The following ADAMTS9 variants were observed in gnomAD, a reference collection of about 807,000 sequenced individuals.
ADAMTS9 encodes the protein A disintegrin and metalloproteinase with thrombospondin motifs 9.
ADAMTS9 carries 107 observed loss-of-function variants against 257.1 expected under a neutral mutation model. The ratio of observed to expected loss-of-function variants is 0.42; its 90% CI spans 0.36 to 0.49. The LOEUF (loss-of-function observed/expected upper bound fraction) is 0.49, where lower values mean the gene tolerates loss of function less well. Ranked by LOEUF, ADAMTS9 falls within the 20% of genes least tolerant of loss-of-function variation. The probability of loss-of-function intolerance (pLI) is 0.03; values close to 1 mark genes in which losing one functional copy is unlikely to be tolerated. For missense variants in ADAMTS9, 2,353 were observed against 2,469.1 expected, an observed-to-expected ratio of 0.95 and a Z score of 1.00; for synonymous variants, 982 against 880.9, an observed-to-expected ratio of 1.11 and a Z score of -2.03.
chr3:64,590,839 A>G (rs2084245851), intron 28 of ADAMTS9, among the ~76,000 whole-genome samples: 2 of 152,082 alleles, frequency 1.3e-5, no homozygotes. Flanking sequence ...CGAACAAGCA[A>G]TTTCTCCTAA....
chr3:64,670,191 A>G (rs1701452473), intron 3 of ADAMTS9, among the ~76,000 whole-genome samples: 1 of 152,088 alleles, frequency 6.6e-6, no homozygotes, highest in Non-Finnish European at 1.5e-5. Context: ...ATGCACATAC[A>G]CACATGCAAC....
chr3:64,622,692 G>A, intron 16 of ADAMTS9, 106 bp from the exon 17 acceptor site: 2 of 1,284,416 alleles, frequency 1.6e-6, no homozygotes, highest in South Asian at 2.8e-5. Flanking sequence ...GCACGGAATG[G>A]GGACTTTTGA....
intron 11 of ADAMTS9, among the ~76,000 whole-genome samples, chr3:64,643,375 T>A (rs898609339): frequency 1.3e-5 from 2 of 151,684 alleles, no homozygotes; most frequent in Non-Finnish European, 2.9e-5. Context: ...AAATTAATTT[T>A]AATATATTTA....
At chr3:64,631,643 T>A (rs1347224818) in intron 15 of ADAMTS9, 93 bp from the exon 16 acceptor site, 1 of 1,252,170 alleles carries the variant, frequency 8.0e-7, no homozygotes, top group East Asian at 2.3e-5. Flanking sequence ...GAATAGAATA[T>A]AATTCTCATA....
intron 16 of ADAMTS9, among the ~76,000 whole-genome samples, chr3:64,625,810 G>A (rs947930778): frequency 6.6e-6 from 1 of 152,172 alleles, no homozygotes; most frequent in Non-Finnish European, 1.5e-5. Flanking sequence ...CTACAAGATA[G>A]TACAACCTCC....
chr3:64,522,023 A>C, intron 39 of ADAMTS9, 143 bp downstream of exon 39: 1 of 640,310 alleles, frequency 1.6e-6, no homozygotes. Flanking sequence ...ACAGAGGAGC[A>C]GGAGATAAAA....
chr3:64,675,899 A>T (rs566911187), intron 3 of ADAMTS9, among the ~76,000 whole-genome samples: 1 of 152,202 alleles, frequency 6.6e-6, no homozygotes, highest in Non-Finnish European at 1.5e-5. Flanking sequence ...CCATATGCAC[A>T]TAAGAGCCTA....
Position 64,633,686 on chromosome 3 carries a change from A to T in ADAMTS9, c.2038+12T>A, listed in dbSNP as rs1260148764. 1.9e-6 allele frequency: 3 copies of T among 1,613,860 alleles called. No homozygotes were observed. The highest frequency in any genetic ancestry group is 1.7e-5 in the Admixed American group (1 of 60,004). ...CCGGCCAACGGTGAACAGATACACC[A>T]GACACACTTACTTCCACTGTATTTA... On this transcript the variant is annotated intron_variant, in intron 13 of 39. Transcript: ENST00000498707.
intron 16 of ADAMTS9, among the ~76,000 whole-genome samples, chr3:64,626,618 C>G (rs1261398318): frequency 6.6e-6 from 1 of 152,122 alleles, no homozygotes; most frequent in Non-Finnish European, 1.5e-5. Context: ...AATGGGTACT[C>G]TAAAAGCTCA....
rs1433372737 is a variant in ADAMTS9 at position 64,687,977 on chromosome 3, TCCGAGGCGCGCCGGGCGCC to T, written c.-339_-321del. On this transcript the variant is annotated 5_prime_UTR_variant, in exon 1 of 40. Transcript: ENST00000498707. The surrounding 1 kb of genome is among the most constrained non-coding windows in gnomAD (Gnocchi z 4.4). Reference sequence around the variant, plus strand: ...GCAGGAGAAGGCGAGGAACTTGCGCTCCGAGGCGCGCCGGGCGCCCTGTGCTGGCCGGGATAGCTGAGCG... The same window carrying T: ...GCAGGAGAAGGCGAGGAACTTGCGCTCTGTGCTGGCCGGGATAGCTGAGCG... 1 of 165,510 alleles carries T rather than the reference TCCGAGGCGCGCCGGGCGCC, an allele frequency of 6.0e-6. No individual in the cohort carries two copies. The allele number at this position is 165,510 out of a possible 1,614,324, so 10.3% of individuals were successfully genotyped here. A position where few individuals can be genotyped will look rare whatever the true frequency, so the allele number is the denominator to read the frequency against.
intron 11 of ADAMTS9, among the ~76,000 whole-genome samples, chr3:64,644,270 A>AT (rs1700731241): frequency 6.6e-6 from 1 of 152,222 alleles, no homozygotes; most frequent in Admixed American, 6.5e-5. Context: ...CGAAAAGAAA[A>AT]TGAAGGGACA....
chr3:64,658,898 A>T (rs753485719), intron 3 of ADAMTS9, 107 bp from the exon 4 acceptor site: 21 of 1,241,146 alleles, frequency 1.7e-5, no homozygotes, highest in Non-Finnish European at 2.4e-5. Flanking sequence ...CAAACTACAT[A>T]CAAAAACAAG....
At chr3:64,586,801 T>C (rs994376706) in intron 28 of ADAMTS9, 3 of 152,156 alleles carry the variant, frequency 2.0e-5, no homozygotes, top group African/African-American at 7.2e-5. Context: ...TTTCTTCTGA[T>C]GTGTCTTTGA....
intron 32 of ADAMTS9, among the ~76,000 whole-genome samples, chr3:64,543,826 T>C (rs1242189754): frequency 6.6e-6 from 1 of 152,186 alleles, no homozygotes; most frequent in East Asian, 1.9e-4. Context: ...GGAAGTCCAA[T>C]TGTCCCTCTT....
At position 64,603,931 on chromosome 3, in the gene ADAMTS9, G is replaced by A. The variant is rs1207983698; in HGVS notation, c.3738C>T (p.Asp1246=). The A allele has an allele frequency of 1.9e-6, 3 of 1,613,830 alleles. No homozygotes were observed. The highest frequency in any genetic ancestry group is 2.5e-6 in the Non-Finnish European group (3 of 1,179,916). Residue 1246 remains aspartate (D), a synonymous_variant, in exon 25 of 40, where the codon GAC becomes GAT. Coordinates refer to ENST00000498707, the MANE Select transcript of ADAMTS9 (RefSeq NM_182920.2). Reference sequence around the variant, plus strand: ...TAATCCACTGGCTTACAGAGCTCCAGTCCAAGGCCTTCCATTGCCCACAGG... The same window carrying A: ...TAATCCACTGGCTTACAGAGCTCCAATCCAAGGCCTTCCATTGCCCACAGG... ...VTPCGQWKAL[D]WSSCSVTCGQ...
intron 28 of ADAMTS9, among the ~76,000 whole-genome samples, chr3:64,580,013 C>T (rs145463861): frequency 6.8e-4 from 103 of 152,306 alleles, no homozygotes; most frequent in African/African-American, 2.3e-3. Context: ...TTCTTAGCCA[C>T]TGATCCCACC....
intron 12 of ADAMTS9, among the ~76,000 whole-genome samples, chr3:64,634,216 T>A (rs1700438842): frequency 6.6e-6 from 1 of 152,158 alleles, no homozygotes; most frequent in Admixed American, 6.5e-5. Context: ...AGGCCACTTT[T>A]TGTTCCTTTT....
chr3:64,596,678 C>G (rs2106795444), intron 27 of ADAMTS9, 152 bp downstream of exon 27: 1 of 932,600 alleles, frequency 1.1e-6, no homozygotes, highest in Admixed American at 2.8e-5. Flanking sequence ...TTAAAATAGT[C>G]CAGAATTTAA....
At position 64,516,149 on chromosome 3, in the gene ADAMTS9, G is replaced by A. The variant is rs528229013; in HGVS notation, c.*978C>T. The stretch of plus-strand genomic sequence containing the variant: ...AACCTGGTTCTGAATTTCTCCAGGT[G>A]TGCTCGTGAGCTGAAGGTCATGCCC... On this transcript the variant is annotated 3_prime_UTR_variant, in exon 40 of 40. Transcript: ENST00000498707. 6.6e-6 allele frequency: 1 copy of A among 152,432 alleles called. No homozygotes were observed. The highest frequency in any genetic ancestry group is 1.9e-4 in the East Asian group (1 of 5,172). 9.4% of individuals were successfully genotyped at this position (152,432 alleles called of 1,614,324 possible).
Sources: allele counts gnomAD v4.1 joint callset (sites outside exome capture counted in the v4.1 genomes callset), GRCh38; gene constraint gnomAD v4.1.1; non-coding constraint Gnocchi (gnomAD v3.1); transcripts MANE v1.5; gene names NCBI Gene and HGNC (gene_info 2026-07-23, HGNC 2026-07-21).